CUL1: variants seen among roughly 807,000 people sequenced by gnomAD.
CUL1 encodes the protein cullin 1.
CUL1 carries 24 observed loss-of-function variants against 118.0 expected under a neutral mutation model. The observed-to-expected ratio is 0.20, with a 90% CI of 0.15 to 0.29. The LOEUF (loss-of-function observed/expected upper bound fraction) is 0.29. Among genes scored for constraint, CUL1 ranks in the 10% least tolerant of loss-of-function variants. CUL1 has a pLI of 1.00. For synonymous variants in CUL1, 332 were observed against 340.4 expected (o/e 0.98, Z 0.27); for missense variants, 361 against 933.8 (o/e 0.39, Z 7.99).
intron 2 of CUL1, among the ~76,000 whole-genome samples, chr7:148,748,748 A>G (rs535275921): frequency 7.2e-5 from 11 of 152,348 alleles, no homozygotes; most frequent in African/African-American, 2.6e-4. Flanking sequence ...CAGAAATTAT[A>G]TACTTGGCAA....
At chr7:148,776,649 T>G (rs1242055831) in intron 9 of CUL1, among the ~76,000 whole-genome samples, 2 of 152,106 alleles carry the variant, frequency 1.3e-5, no homozygotes, top group East Asian at 1.9e-4. Context: ...ACATACACCC[T>G]TCTTTCTCTT....
intron 1 of CUL1, among the ~76,000 whole-genome samples, chr7:148,727,183 G>T (rs1171835875): frequency 1.3e-5 from 2 of 152,086 alleles, no homozygotes; most frequent in East Asian, 1.9e-4. Flanking sequence ...TGTAATTTTC[G>T]TAAGCCTGTT....
At chr7:148,793,438 C>T (rs1801084283) in intron 17 of CUL1, among the ~76,000 whole-genome samples, 1 of 152,122 alleles carries the variant, frequency 6.6e-6, no homozygotes, top group Admixed American at 6.5e-5. Flanking sequence ...CAAAAAGAAA[C>T]CTGCACCCAT....
intron 2 of CUL1, among the ~76,000 whole-genome samples, chr7:148,749,550 T>C (rs1453027262): frequency 6.6e-6 from 1 of 152,118 alleles, no homozygotes; most frequent in Non-Finnish European, 1.5e-5. Flanking sequence ...AAGAATGGCT[T>C]TGAGGCGCCA....
At chr7:148,710,739 A>G (rs979900515) in intron 1 of CUL1, among the ~76,000 whole-genome samples, 3 of 150,778 alleles carry the variant, frequency 2.0e-5, no homozygotes, top group Non-Finnish European at 3.0e-5. Context: ...GCTCACTGCA[A>G]CCCCCGCCTT....
At chr7:148,740,003 T>A (rs1156943256) in intron 2 of CUL1, among the ~76,000 whole-genome samples, 1 of 152,136 alleles carries the variant, frequency 6.6e-6, no homozygotes, top group Non-Finnish European at 1.5e-5. Context: ...CAACTTCTTG[T>A]CAATGTCTAC....
chr7:148,772,840 C>T (rs574319701), intron 9 of CUL1, among the ~76,000 whole-genome samples: 2 of 152,114 alleles, frequency 1.3e-5, no homozygotes, highest in East Asian at 1.9e-4. Flanking sequence ...AGGGTCTGGA[C>T]GTAGCCTCAG....
chr7:148,775,798 A>G (rs992058757), intron 9 of CUL1, among the ~76,000 whole-genome samples: 2 of 152,042 alleles, frequency 1.3e-5, no homozygotes, highest in Non-Finnish European at 2.9e-5. Context: ...TTTAAAGAAT[A>G]CATTTTTAAA....
At chr7:148,776,412 G>A (rs1194978454) in intron 9 of CUL1, among the ~76,000 whole-genome samples, 1 of 136,302 alleles carries the variant, frequency 7.3e-6, no homozygotes, top group African/African-American at 2.8e-5. Flanking sequence ...CACCTCCCAG[G>A]TTCAAGCGAT....
At chr7:148,780,627 A>G (rs1386208548) in intron 9 of CUL1, among the ~76,000 whole-genome samples, 1 of 152,212 alleles carries the variant, frequency 6.6e-6, no homozygotes, top group Non-Finnish European at 1.5e-5. Flanking sequence ...ACACGGGCTC[A>G]CCTGGGGGAA....
At position 148,726,422 on chromosome 7, in the gene CUL1, T is replaced by TA. The variant is rs149251736; in HGVS notation, c.-161-3539dup. Among the ~76,000 whole-genome samples, 386 of 152,256 alleles carry TA rather than the reference T, an allele frequency of 2.5e-3. 1 individual carries two copies. The highest frequency in any genetic ancestry group is 9.0e-3 in the African/African-American group (373 of 41,560). On this transcript the variant is annotated intron_variant, in intron 1 of 21. Coordinates refer to ENST00000325222, the MANE Select transcript of CUL1 (RefSeq NM_003592.3). ...AAAAGGGCTTTCTTAAATTTCAAAATATCTGAGTAGATTTAATACTGATAC... is the reference window on the plus strand; with the variant it reads ...AAAAGGGCTTTCTTAAATTTCAAAATAATCTGAGTAGATTTAATACTGATAC...
intron 2 of CUL1, among the ~76,000 whole-genome samples, chr7:148,737,598 ATTTATTT>A (rs1748271576): frequency 1.4e-5 from 2 of 148,040 alleles, no homozygotes; most frequent in Admixed American, 1.4e-4. Context: ...TTATTTATTT[ATTTATTT>A]ATTTATTTAT....
intron 17 of CUL1, among the ~76,000 whole-genome samples, chr7:148,794,448 G>A (rs1801116049): frequency 6.6e-6 from 1 of 152,170 alleles, no homozygotes; most frequent in South Asian, 2.1e-4. Context: ...TACTATGCCA[G>A]TATCACACTG....
At chr7:148,793,107 C>T (rs1164305856) in intron 17 of CUL1, among the ~76,000 whole-genome samples, 2 of 152,146 alleles carry the variant, frequency 1.3e-5, no homozygotes, top group Admixed American at 1.3e-4. Context: ...CTGCAGTGAG[C>T]TATGATCGTG....
At position 148,760,374 on chromosome 7, in the gene CUL1, C is replaced by T; in HGVS notation, c.667C>T (p.Pro223Ser). Residue 223 changes from proline to serine, a missense_variant, in exon 7 of 22, where the codon CCT (proline) becomes TCT (serine). Pro to Ser is a moderately conservative substitution (Grantham distance 74, BLOSUM62 -1). This residue lies in a region of CUL1 where 169 missense variants were observed against 429.7 expected (regional missense o/e 0.39). Coordinates refer to ENST00000325222, the MANE Select transcript of CUL1 (RefSeq NM_003592.3). ...TGAAGATGATGCATTTGCAAAGGGC[C>T]CTACGTTAACAGTGTATAAAGAATC... ...LNEDDAFAKG[P>S]TLTVYKESFE... The T allele has an allele frequency of 6.2e-7, 1 of 1,610,294 alleles. No individual in the cohort carries two copies. Among genetic ancestry groups the T allele is most frequent in the East Asian group, 2.2e-5 (1 of 44,526 alleles).
chr7:148,761,810 G>C (rs1285171499), intron 7 of CUL1, among the ~76,000 whole-genome samples: 1 of 152,210 alleles, frequency 6.6e-6, no homozygotes, highest in Non-Finnish European at 1.5e-5. Context: ...GCTGTACTAG[G>C]ACAATGGTCC....
chr7:148,699,172 CGGCCGGGCAGAATGGCGGCCG>C (rs1451402670), intron 1 of CUL1, 143 bp downstream of exon 1: 7 of 152,162 alleles, frequency 4.6e-5, no homozygotes, highest in Admixed American at 2.0e-4. Context: ...CGCCGAAACG[CGGCCGGGCAGAATGGCGGCCG>C]GGCCGGGGGA....
intron 9 of CUL1, among the ~76,000 whole-genome samples, chr7:148,779,848 G>A (rs1800555953): frequency 1.3e-5 from 2 of 152,184 alleles, no homozygotes; most frequent in Admixed American, 6.5e-5. Context: ...AGTGGGCTGG[G>A]AAAGGCAGAC....
chr7:148,797,856 A>T lies in CUL1; in HGVS notation c.1944A>T (p.Leu648=). Residue 648 remains leucine, a synonymous_variant, in exon 18 of 22, where the codon CTA becomes CTT. Transcript: ENST00000325222. ...QVLQILLKSK[L]LVLEDENANV... ...TACAGATTTTATTAAAGTCGAAGCT[A>T]TTGGTAGGTTTGCGCCCTTTTATCT... 6.2e-7 allele frequency: 1 copy of T among 1,613,452 alleles called. No homozygotes were observed. Among genetic ancestry groups the T allele is most frequent in the Non-Finnish European group, 8.5e-7 (1 of 1,179,656 alleles).
Sources: allele counts gnomAD v4.1 joint callset (sites outside exome capture counted in the v4.1 genomes callset), GRCh38; gene constraint gnomAD v4.1.1; regional missense constraint gnomAD v4.1.1; transcripts MANE v1.5; gene names NCBI Gene and HGNC (gene_info 2026-07-23, HGNC 2026-07-21).